Variants in PDS5A observed in about 807,000 individuals in gnomAD.
The protein encoded by PDS5A is PDS5 cohesin associated factor A.
Under a neutral mutation model 167.1 loss-of-function variants are expected in PDS5A, and 42 were observed. That is an observed-to-expected ratio of 0.25 (90% confidence interval 0.20 to 0.33). The LOEUF (loss-of-function observed/expected upper bound fraction) is 0.33, where lower values mean the gene tolerates loss of function less well. PDS5A is among the 10% of genes least tolerant of loss of function. The probability of loss-of-function intolerance (pLI) is 1.00; values close to 1 mark genes in which losing one functional copy is unlikely to be tolerated. For missense variants in PDS5A, 1,033 were observed against 1,605.9 expected, an observed-to-expected ratio of 0.64 and a Z score of 6.10; for synonymous variants, 553 against 554.6, an observed-to-expected ratio of 1.00 and a Z score of 0.04.
chr4:39,854,354 T>C (rs1231253786), intron 26 of PDS5A, among the ~76,000 whole-genome samples: 3 of 152,178 alleles, frequency 2.0e-5, no homozygotes, highest in Non-Finnish European at 4.4e-5. Flanking sequence ...ATTATCCCAT[T>C]GTTTTGAAGA....
chr4:39,864,224 T>G (rs1361857913), intron 23 of PDS5A, among the ~76,000 whole-genome samples: 2 of 152,156 alleles, frequency 1.3e-5, no homozygotes, highest in Non-Finnish European at 1.5e-5. Flanking sequence ...ATTTAAAATC[T>G]ATTTCCTGCA....
At chr4:39,908,355 A>C in intron 11 of PDS5A, 40 bp downstream of exon 11, 1 of 1,491,032 alleles carries the variant, frequency 6.7e-7, no homozygotes, top group Non-Finnish European at 9.3e-7. Context: ...TAGCAATTTA[A>C]ACAGTAAATT....
chr4:39,965,158 T>C (rs1729860764), intron 2 of PDS5A, among the ~76,000 whole-genome samples: 1 of 152,116 alleles, frequency 6.6e-6, no homozygotes, highest in African/African-American at 2.4e-5. Flanking sequence ...GTAGAGGTGA[T>C]AATGCCATTT....
chr4:39,933,857 A>T (rs192673744), intron 2 of PDS5A, among the ~76,000 whole-genome samples: 1 of 152,356 alleles, frequency 6.6e-6, no homozygotes, highest in East Asian at 1.9e-4. Context: ...TGAAGTCATA[A>T]TTCTCGTATA....
At chr4:39,916,538 C>T (rs2109700628) in intron 8 of PDS5A, among the ~76,000 whole-genome samples, 1 of 152,248 alleles carries the variant, frequency 6.6e-6, no homozygotes, top group South Asian at 2.1e-4. Context: ...GCTTGTGTCA[C>T]TGTGATTATC....
intron 17 of PDS5A, among the ~76,000 whole-genome samples, chr4:39,880,351 A>AT (rs1284874099): frequency 6.6e-6 from 1 of 152,174 alleles, no homozygotes; most frequent in Non-Finnish European, 1.5e-5. Context: ...ATTAGGAACA[A>AT]TTTAATTGTC....
intron 26 of PDS5A, among the ~76,000 whole-genome samples, chr4:39,852,915 A>C (rs1392735071): frequency 6.6e-6 from 1 of 152,206 alleles, no homozygotes; most frequent in Non-Finnish European, 1.5e-5. Context: ...TCTTTGCCTA[A>C]GACATTTCAC....
intron 17 of PDS5A, among the ~76,000 whole-genome samples, chr4:39,883,723 C>A (rs1287320005): frequency 6.6e-6 from 1 of 152,126 alleles, no homozygotes; most frequent in Non-Finnish European, 1.5e-5. Context: ...GCAATCTCTG[C>A]TTCCTGGGCT....
At chr4:39,883,792 T>C (rs1721169028) in intron 17 of PDS5A, among the ~76,000 whole-genome samples, 2 of 151,948 alleles carry the variant, frequency 1.3e-5, no homozygotes, top group South Asian at 2.1e-4. Flanking sequence ...CATGGTATCC[T>C]GCTAATTTCT....
intron 31 of PDS5A, among the ~76,000 whole-genome samples, chr4:39,841,696 G>A (rs1717034763): frequency 6.6e-6 from 1 of 152,184 alleles, no homozygotes. Flanking sequence ...ATTTTTAGTA[G>A]AGATGATTAC....
chr4:39,959,810 G>A (rs1729308794), intron 2 of PDS5A, among the ~76,000 whole-genome samples: 1 of 151,806 alleles, frequency 6.6e-6, no homozygotes, highest in Admixed American at 6.6e-5. Context: ...CAAAAATTAG[G>A]CCAGGCGTGG....
intron 2 of PDS5A, among the ~76,000 whole-genome samples, chr4:39,937,540 A>G (rs1726744978): frequency 6.6e-6 from 1 of 152,046 alleles, no homozygotes; most frequent in Non-Finnish European, 1.5e-5. Flanking sequence ...CGGTCTCCTG[A>G]GTAGCTGGGA....
At chr4:39,937,784 C>G (rs1369613496) in intron 2 of PDS5A, among the ~76,000 whole-genome samples, 1 of 152,194 alleles carries the variant, frequency 6.6e-6, no homozygotes, top group African/African-American at 2.4e-5. Flanking sequence ...ATTGGTAGAA[C>G]CACTTTGCTG....
intron 2 of PDS5A, among the ~76,000 whole-genome samples, chr4:39,955,974 A>G (rs1728886388): frequency 6.6e-6 from 1 of 151,826 alleles, no homozygotes; most frequent in Non-Finnish European, 1.5e-5. Context: ...AATTAGCCAG[A>G]CATGGTGGTG....
intron 2 of PDS5A, among the ~76,000 whole-genome samples, chr4:39,956,679 T>C (rs1361736492): frequency 1.4e-5 from 2 of 147,748 alleles, no homozygotes; most frequent in Non-Finnish European, 3.0e-5. Flanking sequence ...TTTTCTTACT[T>C]TTTTTTTTTT....
intron 2 of PDS5A, among the ~76,000 whole-genome samples, chr4:39,944,103 A>G (rs1727506334): frequency 7.2e-6 from 1 of 138,252 alleles, no homozygotes; most frequent in Non-Finnish European, 1.6e-5. Context: ...GCGTGAACCC[A>G]GGAAGGCGGA....
intron 2 of PDS5A, among the ~76,000 whole-genome samples, chr4:39,956,723 A>T (rs1311656706): frequency 1.3e-5 from 2 of 151,554 alleles, no homozygotes; most frequent in Non-Finnish European, 2.9e-5. Flanking sequence ...CCCAGGCTGG[A>T]GTGCTGCGGC....
At chr4:39,866,445 G>C (rs1362758327) in intron 23 of PDS5A, among the ~76,000 whole-genome samples, 3 of 152,064 alleles carry the variant, frequency 2.0e-5, no homozygotes, top group Non-Finnish European at 4.4e-5. Flanking sequence ...ACTTTCATGG[G>C]ACTCAAGTCA....
chr4:39,917,120 C>A lies in PDS5A; in HGVS notation c.804G>T (p.Leu268=). 1 of 1,562,332 alleles carries A rather than the reference C, an allele frequency of 6.4e-7. No individual in the cohort carries two copies. The highest frequency in any genetic ancestry group is 2.4e-5 in the East Asian group (1 of 41,690). ...VSDLSEHVFD[L]IQELFAIDPH... ...GATCTATAGCAAAAAGTTCCTGAAT[C>A]AGATCAAATACATGTTCTGACAAAT... is the stretch of plus-strand genomic sequence containing the variant. Residue 268 remains leucine (L), a synonymous_variant, in exon 8 of 33, where the codon CTG becomes CTT. Coordinates refer to ENST00000303538, the MANE Select transcript of PDS5A (RefSeq NM_001100399.2).
Sources: gnomAD v4.1 joint callset for allele counts (sites outside exome capture counted in the v4.1 genomes callset) on GRCh38, gnomAD v4.1.1 for gene constraint, MANE v1.5 for transcripts, NCBI Gene and HGNC (gene_info 2026-07-23, HGNC 2026-07-21) for gene names.